Variants in RGMB observed in about 807,000 individuals in gnomAD.
The protein encoded by RGMB is repulsive guidance molecule B.
Under a neutral mutation model 26.9 loss-of-function variants are expected in RGMB, and 16 were observed. That is an observed-to-expected ratio of 0.60 (90% CI 0.40 to 0.90). RGMB has a LOEUF of 0.90. Ranked by LOEUF, RGMB falls within the 40% of genes least tolerant of loss-of-function variation. The pLI is 0.00. For synonymous variants in RGMB, 225 were observed against 229.3 expected (o/e 0.98, Z 0.17); for missense variants, 512 against 573.3 (o/e 0.89, Z 1.09).
chr5:98,785,371 A>G (rs1182660649), intron 2 of RGMB, among the ~76,000 whole-genome samples: 9 of 152,158 alleles, frequency 5.9e-5, no homozygotes. Context: ...CACATTGACA[A>G]GCTGGTTCCA....
chr5:98,775,900 C>A (rs1746385170), intron 1 of RGMB, among the ~76,000 whole-genome samples: 1 of 152,160 alleles, frequency 6.6e-6, no homozygotes, highest in African/African-American at 2.4e-5. Flanking sequence ...TGAGAGATTT[C>A]TTTGAAGAGT....
At chr5:98,774,293 G>A in intron 1 of RGMB, 87 bp downstream of exon 1, 1 of 1,268,166 alleles carries the variant, frequency 7.9e-7, no homozygotes, top group Non-Finnish European at 1.0e-6. Flanking sequence ...CGCTCGCCGG[G>A]GCGGAAGGGC....
chr5:98,770,894 GGCCGGGGAGCA>G, upstream of RGMB: 2 of 397,834 alleles, frequency 5.0e-6, no homozygotes, highest in African/African-American at 4.1e-5. Context: ...GGTACACAGT[GGCCGGGGAGCA>G]GCCGGGGAGC....
chr5:98,772,269 A>G (rs1351236201), upstream of RGMB, among the ~76,000 whole-genome samples: 2 of 152,232 alleles, frequency 1.3e-5, no homozygotes, highest in African/African-American at 4.8e-5. Context: ...AGTAATGAAA[A>G]GTTACAGTAA....
intron 1 of RGMB, among the ~76,000 whole-genome samples, chr5:98,777,018 G>A (rs1471552285): frequency 1.3e-5 from 2 of 151,784 alleles, no homozygotes; most frequent in South Asian, 2.1e-4. Flanking sequence ...CCTGGGAGGC[G>A]GAGGTTGCAG....
At position 98,773,756 on chromosome 5, in the gene RGMB, G is replaced by C. The variant is rs1311357952; in HGVS notation, c.-315G>C. On this transcript the variant is annotated 5_prime_UTR_variant, in exon 1 of 3. Coordinates refer to ENST00000513185, the MANE Select transcript of RGMB (RefSeq NM_001366508.1). ...CCGAGCCCACGCTGGCTGGGGCCGG[G>C]GTGCCGGCGCGCTCGGGACTCGTCT... The C allele has an allele frequency of 2.6e-6, 1 of 383,888 alleles. No individual in the cohort carries two copies. Among genetic ancestry groups the C allele is most frequent in the Non-Finnish European group, 4.6e-6 (1 of 217,168 alleles). The allele number at this position is 383,888 out of a possible 1,614,324, so 23.8% of individuals were successfully genotyped here.
intron 1 of RGMB, among the ~76,000 whole-genome samples, chr5:98,775,578 C>T (rs563408298): frequency 2.6e-5 from 4 of 152,150 alleles, no homozygotes; most frequent in Non-Finnish European, 4.4e-5. Context: ...GGAAATTGTG[C>T]TAGGTGGGAT....
chr5:98,775,941 A>C (rs1369830325), intron 1 of RGMB, among the ~76,000 whole-genome samples: 1 of 152,216 alleles, frequency 6.6e-6, no homozygotes, highest in Admixed American at 6.5e-5. Context: ...GTTGTTTCTC[A>C]GATAAGGGAA....
intron 2 of RGMB, among the ~76,000 whole-genome samples, chr5:98,787,775 G>T (rs1746808210): frequency 1.3e-5 from 2 of 152,212 alleles, no homozygotes; most frequent in South Asian, 4.1e-4. Flanking sequence ...TATGCTTCCA[G>T]CATTCACTGT....
At chr5:98,791,532 C>A (rs1335292547) in intron 2 of RGMB, among the ~76,000 whole-genome samples, 1 of 152,056 alleles carries the variant, frequency 6.6e-6, no homozygotes, top group Non-Finnish European at 1.5e-5. Flanking sequence ...TCACAAGGGT[C>A]TATTGTTTCG....
In RGMB at chr5:98,793,589, T is replaced by C. The variant is rs1300950749; in HGVS notation, c.1150T>C (p.Phe384Leu). Residue 384 changes from phenylalanine to leucine, a missense_variant, in exon 3 of 3, where the codon TTT (phenylalanine) becomes CTT (leucine). Phe to Leu is a conservative substitution (Grantham distance 22). Coordinates refer to ENST00000513185, the MANE Select transcript of RGMB (RefSeq NM_001366508.1). Reference protein sequence around the residue: ...FDLLTTGDANFTAAAHSALED... With the variant: ...FDLLTTGDANLTAAAHSALED... ...CCTGCTCACCACTGGTGATGCCAAC[T>C]TTACTGCCGCAGCCCACAGTGCCTT... 12 of 1,613,860 alleles carry C rather than the reference T, an allele frequency of 7.4e-6. No individual in the cohort carries two copies. Among genetic ancestry groups the C allele is most frequent in the Non-Finnish European group, 9.3e-6 (11 of 1,179,904 alleles).
chr5:98,786,214 G>T (rs1746762826), intron 2 of RGMB, among the ~76,000 whole-genome samples: 1 of 152,156 alleles, frequency 6.6e-6, no homozygotes, highest in South Asian at 2.1e-4. Flanking sequence ...CCCAGATGTG[G>T]TTTGGAAGGA....
chr5:98,773,933 T>C lies in RGMB; in HGVS notation c.-138T>C, dbSNP rs1386177215. The C allele has an allele frequency of 5.3e-6, 3 of 568,572 alleles. No individual in the cohort carries two copies. 35.2% of individuals were successfully genotyped at this position (568,572 alleles called of 1,614,324 possible). A position where few individuals can be genotyped will look rare whatever the true frequency, so the allele number is the denominator to read the frequency against. On this transcript the variant is annotated 5_prime_UTR_variant, in exon 1 of 3. Transcript: ENST00000513185. ...TTGCTGCGGCGGTGGTGGCGCCCCA[T>C]CTGCTACACGGGCCTGAAGAAGGAA... is the stretch of plus-strand genomic sequence containing the variant.
chr5:98,775,036 AAG>A (rs1746352803), intron 1 of RGMB, among the ~76,000 whole-genome samples: 1 of 152,192 alleles, frequency 6.6e-6, no homozygotes, highest in African/African-American at 2.4e-5. Context: ...TGCCTAGACA[AAG>A]AATTTTTTTT....
chr5:98,793,650 G>T lies in RGMB; in HGVS notation c.1211G>T (p.Arg404Leu). 6.2e-7 allele frequency: 1 copy of T among 1,614,052 alleles called. No individual in the cohort carries two copies. Among genetic ancestry groups the T allele is most frequent in the Non-Finnish European group, 8.5e-7 (1 of 1,179,890 alleles). Reference protein sequence around the residue: ...DVEALHPRKERWHIFPSSGNG... With the variant: ...DVEALHPRKELWHIFPSSGNG... Reference sequence around the variant, plus strand: ...GAGGCCCTGCACCCAAGGAAGGAACGCTGGCACATTTTCCCCAGCAGTGGC... The same window carrying T: ...GAGGCCCTGCACCCAAGGAAGGAACTCTGGCACATTTTCCCCAGCAGTGGC... The change falls in exon 3 of 3, where the codon CGC becomes CTC. Residue 404 changes from arginine to leucine, a missense_variant. Transcript: ENST00000513185.
At chr5:98,790,906 C>T (rs1353784778) in intron 2 of RGMB, among the ~76,000 whole-genome samples, 2 of 152,054 alleles carry the variant, frequency 1.3e-5, no homozygotes, top group Admixed American at 6.5e-5. Context: ...TTATTTTAGC[C>T]ATCTGTATTG....
chr5:98,775,777 G>A (rs1348340271), intron 1 of RGMB, among the ~76,000 whole-genome samples: 2 of 152,230 alleles, frequency 1.3e-5, no homozygotes, highest in Non-Finnish European at 2.9e-5. Context: ...GTATCTTCAT[G>A]TGTCCTCATT....
upstream of RGMB, chr5:98,769,367 C>G (rs1313655399): frequency 6.6e-6 from 1 of 152,602 alleles, no homozygotes; most frequent in Non-Finnish European, 1.5e-5. Flanking sequence ...GATTTGGCTC[C>G]CCGCCCTCTC....
At chr5:98,792,686 C>T (rs1004406104) in intron 2 of RGMB, among the ~76,000 whole-genome samples, 3 of 147,622 alleles carry the variant, frequency 2.0e-5, no homozygotes, top group Non-Finnish European at 4.5e-5. Flanking sequence ...TGGGAAAGTC[C>T]TTTGAGCCCA....
Sources: gnomAD v4.1 joint callset for allele counts (sites outside exome capture counted in the v4.1 genomes callset) on GRCh38, gnomAD v4.1.1 for gene constraint, MANE v1.5 for transcripts, NCBI Gene and HGNC (gene_info 2026-07-23, HGNC 2026-07-21) for gene names.